Variants in APBB2 observed in about 807,000 individuals in gnomAD.
APBB2 encodes Fe65-like 1.
Under a neutral mutation model 82.5 loss-of-function variants are expected in APBB2, and 38 were observed. The ratio of observed to expected loss-of-function variants is 0.46; its 90% CI spans 0.36 to 0.60. APBB2 has a LOEUF of 0.60. Ranked by LOEUF, APBB2 falls within the 20% of genes least tolerant of loss-of-function variation. The pLI is 0.00. For missense variants in APBB2, 772 were observed against 972.3 expected (o/e 0.79, Z 2.74); for synonymous variants, 341 against 368.2 (o/e 0.93, Z 0.85).
intron 4 of APBB2, among the ~76,000 whole-genome samples, chr4:41,048,962 G>A (rs1360892704): frequency 3.3e-5 from 5 of 152,148 alleles, no homozygotes; most frequent in Non-Finnish European, 7.3e-5. Flanking sequence ...CGTTCACTCA[G>A]TGCTCAATGT....
At position 41,072,107 on chromosome 4, in the gene APBB2, GGAGAGCC is replaced by G. The variant is rs1451946324; in HGVS notation, c.-148-6441_-148-6435del. Among the ~76,000 whole-genome samples the G allele has an allele frequency of 3.3e-5, 5 of 152,324 alleles. No homozygotes were observed. In the South Asian group the frequency reaches 1.0e-3, roughly 32 times the overall value. On this transcript the variant is annotated intron_variant, in intron 3 of 17. Coordinates refer to ENST00000508593, the MANE Select transcript of APBB2 (RefSeq NM_004307.2). ...GAAAGCACAGATATAAATACACTCT[GGAGAGCC>G]CAAGGGGAAATCCAAGTTACAGAGC...
chr4:41,051,468 C>T (rs893579127), intron 4 of APBB2, among the ~76,000 whole-genome samples: 2 of 152,218 alleles, frequency 1.3e-5, no homozygotes, highest in Non-Finnish European at 2.9e-5. Context: ...TCATCACTCT[C>T]CCACCAAATC....
chr4:41,066,666 G>A (rs913424675), intron 3 of APBB2, among the ~76,000 whole-genome samples: 2 of 152,196 alleles, frequency 1.3e-5, no homozygotes, highest in African/African-American at 4.8e-5. Context: ...GAGACAAGGC[G>A]ATGGAAAAGG....
rs1472749509 is a variant in APBB2 at position 40,893,171 on chromosome 4, GC to G, written c.1401+93del. 46 of 1,446,090 alleles carry G rather than the reference GC, an allele frequency of 3.2e-5. No homozygotes were observed. In the Admixed American group the frequency reaches 3.6e-4, roughly 11 times the overall value. The allele number at this position is 1,446,090 out of a possible 1,614,324, so 89.6% of individuals were successfully genotyped here. A position where few individuals can be genotyped will look rare whatever the true frequency, so the allele number is the denominator to read the frequency against. ...AAAGGCACCTGATGAACACCTCGGA[GC>G]CCCTCAGTACCATGTGTCACTGAGC... On this transcript the variant is annotated intron_variant, in intron 11 of 17. Transcript: ENST00000508593.
chr4:41,181,649 G>A lies in APBB2; in HGVS notation c.-417+32756C>T, dbSNP rs182943594. On this transcript the variant is annotated intron_variant, in intron 1 of 17. Transcript: ENST00000508593. The stretch of plus-strand genomic sequence containing the variant: ...GGAAGAAAGGAGCTAGAACTTGCTC[G>A]AAAGGGACTAGCATGGCCGGGCACA... 7.2e-5 allele frequency among the ~76,000 whole-genome samples: 11 copies of A among 152,202 alleles called. 1 individual carries two copies. The highest frequency in any genetic ancestry group is 2.2e-4 in the African/African-American group (9 of 41,538).
At chr4:41,111,247 C>T (rs1305666730) in intron 2 of APBB2, among the ~76,000 whole-genome samples, 1 of 152,240 alleles carries the variant, frequency 6.6e-6, no homozygotes, top group Non-Finnish European at 1.5e-5. Context: ...CAGCCCTGTT[C>T]CTAACAGACC....
chr4:40,978,146 T>C (rs898933624), intron 6 of APBB2, among the ~76,000 whole-genome samples: 4 of 152,214 alleles, frequency 2.6e-5, no homozygotes, highest in African/African-American at 9.7e-5. Flanking sequence ...TTGACAACTG[T>C]CAAAGATGTG....
intron 1 of APBB2, among the ~76,000 whole-genome samples, chr4:41,177,278 C>T (rs554035409): frequency 5.3e-5 from 8 of 152,132 alleles, no homozygotes; most frequent in African/African-American, 1.9e-4. Flanking sequence ...ACAAGATCTA[C>T]CACAGTTAAC....
intron 12 of APBB2, among the ~76,000 whole-genome samples, chr4:40,843,554 GGAAA>G (rs959378587): frequency 6.6e-6 from 1 of 152,188 alleles, no homozygotes; most frequent in African/African-American, 2.4e-5. Flanking sequence ...ACTGTAATAT[GGAAA>G]GAGGATTATG....
chr4:41,006,142 C>T (rs916096297), intron 6 of APBB2, among the ~76,000 whole-genome samples: 4 of 152,290 alleles, frequency 2.6e-5, no homozygotes, highest in Non-Finnish European at 5.9e-5. Context: ...TAGAACTTTC[C>T]AAAAACACAA....
chr4:41,134,936 A>G (rs1757150687), intron 2 of APBB2, among the ~76,000 whole-genome samples: 1 of 152,220 alleles, frequency 6.6e-6, no homozygotes, highest in African/African-American at 2.4e-5. Context: ...CACAAATTCA[A>G]CATTCCTTAT....
chr4:40,929,911 A>G (rs1352482726), intron 10 of APBB2, among the ~76,000 whole-genome samples: 1 of 152,214 alleles, frequency 6.6e-6, no homozygotes, highest in Non-Finnish European at 1.5e-5. Context: ...TAGTGGGGGA[A>G]AAACTCCTCC....
intron 1 of APBB2, chr4:41,193,363 A>C (rs2154072082): frequency 6.5e-6 from 1 of 153,362 alleles, no homozygotes; most frequent in South Asian, 2.1e-4. Context: ...CAACCTTTCA[A>C]GGAGGCAATT....
At chr4:41,087,081 A>C (rs1740034274) in intron 3 of APBB2, among the ~76,000 whole-genome samples, 1 of 152,210 alleles carries the variant, frequency 6.6e-6, no homozygotes, top group Non-Finnish European at 1.5e-5. Context: ...TCAAAGCTAT[A>C]GAGAATTGTG....
chr4:41,101,816 A>C (rs191918994), intron 2 of APBB2, among the ~76,000 whole-genome samples: 3 of 151,524 alleles, frequency 2.0e-5, no homozygotes, highest in Admixed American at 2.0e-4. Flanking sequence ...AAAATTAGCC[A>C]GGCGTGGTGG....
At position 41,001,804 on chromosome 4, in the gene APBB2, G is replaced by T. The variant is rs146383846; in HGVS notation, c.835+11779C>A. 6.4e-4 allele frequency among the ~76,000 whole-genome samples: 98 copies of T among 151,998 alleles called. 1 individual carries two copies. In the East Asian group the frequency reaches 0.018, roughly 27 times the overall value. ...GAGGCAGAAGAATCGCTTGAACCCG[G>T]GAGGCAGAGCTTGCAGTGAGCCGAA... On this transcript the variant is annotated intron_variant, in intron 6 of 17. Coordinates refer to ENST00000508593, the MANE Select transcript of APBB2 (RefSeq NM_004307.2).
chr4:40,912,676 G>A (rs765836624), intron 10 of APBB2, among the ~76,000 whole-genome samples: 3 of 151,976 alleles, frequency 2.0e-5, no homozygotes, highest in East Asian at 1.9e-4. Flanking sequence ...CAGTGAACAC[G>A]TTACACAAAA....
At chr4:41,033,463 C>A (rs1301693961) in intron 4 of APBB2, among the ~76,000 whole-genome samples, 159 bp from the exon 5 acceptor site, 2 of 151,996 alleles carry the variant, frequency 1.3e-5, no homozygotes, top group Admixed American at 1.3e-4. Context: ...GTTGGTCATA[C>A]CACTTTTGAT....
chr4:40,840,273 G>C (rs1460324809), intron 12 of APBB2, among the ~76,000 whole-genome samples: 1 of 152,186 alleles, frequency 6.6e-6, no homozygotes, highest in African/African-American at 2.4e-5. Context: ...TAGGGTTCCT[G>C]GGCTATACAA....
Sources: gnomAD v4.1 joint callset for allele counts (sites outside exome capture counted in the v4.1 genomes callset) on GRCh38, gnomAD v4.1.1 for gene constraint, MANE v1.5 for transcripts, NCBI Gene and HGNC (gene_info 2026-07-23, HGNC 2026-07-21) for gene names.